Variants in CD1B observed in about 807,000 individuals in gnomAD.
CD1B encodes the protein T-cell surface glycoprotein CD1b.
CD1B carries 43 observed loss-of-function variants against 39.8 expected under a neutral mutation model. The ratio of observed to expected loss-of-function variants is 1.08; its 90% CI spans 0.85 to 1.39. The LOEUF (loss-of-function observed/expected upper bound fraction) is 1.39, where lower values mean the gene tolerates loss of function less well. CD1B is among the 40% of genes most tolerant of loss of function. The pLI, the probability that CD1B is intolerant of heterozygous loss-of-function variation, is 0.00. For synonymous variants in CD1B, 192 were observed against 152.5 expected (o/e 1.26, Z -1.91); for missense variants, 495 against 403.8 (o/e 1.23, Z -1.94).
At chr1:158,329,688 T>A in intron 3 of CD1B, 40 bp from the exon 4 acceptor site, 1 of 1,602,468 alleles carries the variant, frequency 6.2e-7, no homozygotes, top group Non-Finnish European at 8.5e-7. Context: ...ATGTTATAAC[T>A]CGAGTTCAGA....
chr1:158,327,121 C>T (rs888623287), downstream of CD1B, among the ~76,000 whole-genome samples: 4 of 152,128 alleles, frequency 2.6e-5, no homozygotes, highest in Non-Finnish European at 5.9e-5. Flanking sequence ...AATTAATGGA[C>T]CAGCGCTGGC....
the CD1B span, among the ~76,000 whole-genome samples, chr1:158,298,222 A>G: frequency 1.8e-4 from 27 of 152,224 alleles, no homozygotes; most frequent in African/African-American, 6.5e-4. Context: ...TGCACCCAAC[A>G]CAGGAGCACA....
At chr1:158,308,868 C>G in the CD1B span, among the ~76,000 whole-genome samples, 25 of 152,182 alleles carry the variant, frequency 1.6e-4, no homozygotes, top group African/African-American at 6.0e-4. Flanking sequence ...GACCTGAAAC[C>G]GTAAAAACCC....
the CD1B span, among the ~76,000 whole-genome samples, chr1:158,321,418 C>T: frequency 6.6e-6 from 1 of 152,106 alleles, no homozygotes; most frequent in Non-Finnish European, 1.5e-5. Flanking sequence ...AAGTGAGGCT[C>T]TTATAGGCAG....
the CD1B span, chr1:158,293,304 T>C: frequency 6.2e-7 from 1 of 1,611,840 alleles, no homozygotes. Context: ...GAAGCACTGG[T>C]GAGTTTTTTG....
the CD1B span, among the ~76,000 whole-genome samples, chr1:158,299,023 A>G: frequency 2.0e-5 from 3 of 152,100 alleles, no homozygotes; most frequent in Non-Finnish European, 4.4e-5. Flanking sequence ...CTCTTGCCTG[A>G]TTGCCCTGGC....
At chr1:158,318,494 T>A in the CD1B span, among the ~76,000 whole-genome samples, 12 of 152,214 alleles carry the variant, frequency 7.9e-5, no homozygotes, top group Non-Finnish European at 1.5e-4. Flanking sequence ...ATCCCTGCCT[T>A]TTTTTGTTTT....
chr1:158,318,002 A>C, the CD1B span, among the ~76,000 whole-genome samples: 1 of 152,040 alleles, frequency 6.6e-6, no homozygotes, highest in Non-Finnish European at 1.5e-5. Context: ...CTGAGTTCTA[A>C]TTTGATTGCA....
chr1:158,319,974 G>T, the CD1B span, among the ~76,000 whole-genome samples: 1 of 152,190 alleles, frequency 6.6e-6, no homozygotes, highest in South Asian at 2.1e-4. Flanking sequence ...TAGGCTGCTC[G>T]GGAGTCAGGG....
At chr1:158,315,379 G>C in the CD1B span, among the ~76,000 whole-genome samples, 3 of 151,682 alleles carry the variant, frequency 2.0e-5, no homozygotes, top group Non-Finnish European at 4.4e-5. Context: ...TCTCATTGTG[G>C]TTTTGATTTG....
the CD1B span, among the ~76,000 whole-genome samples, chr1:158,313,587 G>C: frequency 6.6e-6 from 1 of 152,092 alleles, no homozygotes; most frequent in Admixed American, 6.5e-5. Context: ...TAGGATTACA[G>C]GCATGAGCAA....
At chr1:158,305,382 A>G in the CD1B span, among the ~76,000 whole-genome samples, 1 of 152,146 alleles carries the variant, frequency 6.6e-6, no homozygotes, top group Non-Finnish European at 1.5e-5. Flanking sequence ...GTTTAGACGA[A>G]AAAGAATAAA....
At chr1:158,310,723 A>C in the CD1B span, among the ~76,000 whole-genome samples, 1 of 152,166 alleles carries the variant, frequency 6.6e-6, no homozygotes, top group African/African-American at 2.4e-5. Context: ...TCTCAACATC[A>C]CTAATCATCA....
At chr1:158,305,354 A>C in the CD1B span, among the ~76,000 whole-genome samples, 2 of 152,200 alleles carry the variant, frequency 1.3e-5, no homozygotes, top group African/African-American at 4.8e-5. Context: ...AGATCAAATG[A>C]ATGAAACGAA....
At chr1:158,292,684 G>T in the CD1B span, 1 of 1,613,946 alleles carries the variant, frequency 6.2e-7, no homozygotes, top group South Asian at 1.1e-5. Flanking sequence ...TCTACCCAAA[G>T]CCTGTTTGGG....
the CD1B span, among the ~76,000 whole-genome samples, chr1:158,290,435 G>A: frequency 1.4e-4 from 21 of 152,212 alleles, no homozygotes; most frequent in East Asian, 1.5e-3. Context: ...CAAATGACAC[G>A]CAAGGTCCAG....
rs760699759 is a variant in CD1B, at chr1:158,328,265, A to T, written c.981-8T>A. On this transcript the variant is annotated splice_polypyrimidine_tract_variant and splice_region_variant and intron_variant, in intron 5 of 5. Transcript: ENST00000368168. ...GGGATATTCTGATATGACCTGTTAA[A>T]AACAGAAGAACAAAAGAGCTCCACA... 1 of 1,609,552 alleles carries T rather than the reference A, an allele frequency of 6.2e-7. No homozygotes were observed. Among genetic ancestry groups the T allele is most frequent in the East Asian group, 2.2e-5 (1 of 44,786 alleles).
chr1:158,320,045 A>G, the CD1B span, among the ~76,000 whole-genome samples: 5 of 152,246 alleles, frequency 3.3e-5, no homozygotes, highest in African/African-American at 1.2e-4. Context: ...GCGTACTGGG[A>G]GAACCACTGC....
chr1:158,319,510 T>C, the CD1B span, among the ~76,000 whole-genome samples: 2 of 152,246 alleles, frequency 1.3e-5, no homozygotes, highest in African/African-American at 4.8e-5. Context: ...GGTTGTCAGC[T>C]CCATCACTCC....
Sources: allele counts gnomAD v4.1 joint callset (sites outside exome capture counted in the v4.1 genomes callset), GRCh38; gene constraint gnomAD v4.1.1; transcripts MANE v1.5; gene names NCBI Gene and HGNC (gene_info 2026-07-23, HGNC 2026-07-21).